The following CEP89 variants were observed in gnomAD, a reference collection of about 807,000 sequenced individuals.
CEP89 encodes the protein centrosomal protein of 89 kDa.
In CEP89, 95 loss-of-function variants were observed where a neutral mutation model predicts 97.6. That is an observed-to-expected ratio of 0.97 (90% CI 0.82 to 1.15). The LOEUF is 1.15. Among genes scored for constraint, CEP89 ranks in the 50% most tolerant of loss-of-function variants. CEP89 has a pLI of 0.00. For synonymous variants in CEP89, 354 were observed against 349.1 expected (o/e 1.01, Z -0.16); for missense variants, 869 against 947.7 (o/e 0.92, Z 1.09).
chr19:32,971,785 T>C, intron 1 of CEP89, 51 bp downstream of exon 1: 1 of 1,486,018 alleles, frequency 6.7e-7, no homozygotes, highest in Admixed American at 1.9e-5. Flanking sequence ...ACTTTACCCC[T>C]AATTCCCGGC....
chr19:32,910,265 CAGAG>C lies in CEP89; in HGVS notation c.1565+5068_1565+5071del, dbSNP rs71336978. On this transcript the variant is annotated intron_variant, in intron 14 of 18. Coordinates refer to ENST00000305768, the MANE Select transcript of CEP89 (RefSeq NM_032816.5). ...TGGGTGACAGAGCGAGACTCTGCCT[CAGAG>C]AGAGAGAGAGAGAGAGAGAGCGAGA... Among the ~76,000 whole-genome samples, 88 of 140,648 alleles carry C rather than the reference CAGAG, an allele frequency of 6.3e-4. 1 individual carries two copies. Among genetic ancestry groups the C allele is most frequent in the East Asian group, 4.7e-3 (22 of 4,684 alleles). The allele number at this position is 140,648 out of a possible 152,430, so 92.3% of individuals were successfully genotyped here.
intron 2 of CEP89, among the ~76,000 whole-genome samples, chr19:32,965,587 C>A (rs1204859545): frequency 6.7e-6 from 1 of 148,260 alleles, no homozygotes; most frequent in East Asian, 2.0e-4. Flanking sequence ...TCCCAGCTAC[C>A]CGGCGGGCTG....
intron 8 of CEP89, 121 bp downstream of exon 8, chr19:32,933,330 A>T: frequency 2.5e-6 from 2 of 801,076 alleles, no homozygotes; most frequent in Middle Eastern, 2.4e-4. Context: ...TTAACAAAAA[A>T]ACCTGAAATA....
rs182617340 is a variant in CEP89, at chr19:32,954,564, G to T, written c.306-763C>A. On this transcript the variant is annotated intron_variant, in intron 3 of 18. Transcript: ENST00000305768. ...GACGGGGTTTCACCATGTTGTCCAGGCTGGTCTTGAACTCCTTGGCTCAAG... is the reference window on the plus strand; with the variant it reads ...GACGGGGTTTCACCATGTTGTCCAGTCTGGTCTTGAACTCCTTGGCTCAAG... Among the ~76,000 whole-genome samples the T allele has an allele frequency of 2.7e-3, 405 of 151,338 alleles. 5 individuals are homozygous for T. The highest frequency in any genetic ancestry group is 1.0e-3 in the Non-Finnish European group (69 of 67,772).
intron 16 of CEP89, among the ~76,000 whole-genome samples, chr19:32,897,031 T>A (rs1191752512): frequency 6.6e-6 from 1 of 152,128 alleles, no homozygotes; most frequent in Non-Finnish European, 1.5e-5. Context: ...CAGAGGCTGA[T>A]GTCAACCTAA....
chr19:32,949,348 C>T (rs534858356), intron 4 of CEP89, among the ~76,000 whole-genome samples: 127 of 152,062 alleles, frequency 8.4e-4, no homozygotes, highest in African/African-American at 2.9e-3. Context: ...GGGACAGAGG[C>T]TGCCTAAGAG....
At chr19:32,946,686 T>C (rs1970804721) in intron 5 of CEP89, among the ~76,000 whole-genome samples, 1 of 152,104 alleles carries the variant, frequency 6.6e-6, no homozygotes, top group Admixed American at 6.6e-5. Flanking sequence ...ACTGTTCTCG[T>C]GGTAGTGAAT....
intron 12 of CEP89, among the ~76,000 whole-genome samples, chr19:32,920,300 G>A (rs777369225): frequency 2.6e-5 from 4 of 151,394 alleles, no homozygotes; most frequent in East Asian, 2.0e-4. Context: ...CTGCAGCCCC[G>A]AACTCTTGGC....
chr19:32,920,927 C>T (rs374200783), intron 12 of CEP89, among the ~76,000 whole-genome samples: 39 of 151,688 alleles, frequency 2.6e-4, no homozygotes, highest in Admixed American at 3.9e-4. Context: ...AAGCAGAAAG[C>T]GTCTGCTGGG....
At chr19:32,919,121 G>A (rs1026339117) in intron 12 of CEP89, among the ~76,000 whole-genome samples, 5 of 151,956 alleles carry the variant, frequency 3.3e-5, no homozygotes, top group African/African-American at 9.7e-5. Context: ...TCCTGACCCC[G>A]TGATCTGCCC....
intron 16 of CEP89, among the ~76,000 whole-genome samples, chr19:32,888,936 G>A (rs1309235315): frequency 6.6e-6 from 1 of 151,688 alleles, no homozygotes; most frequent in African/African-American, 2.4e-5. Context: ...CAACCTCCTG[G>A]GTAGCTAGGA....
At chr19:32,929,602 A>T (rs1163526132) in intron 9 of CEP89, among the ~76,000 whole-genome samples, 2 of 93,148 alleles carry the variant, frequency 2.1e-5, no homozygotes, top group African/African-American at 8.4e-5. Flanking sequence ...GACTGTGTCT[A>T]AAAAAAAAAA....
chr19:32,907,220 G>A (rs1478262248), intron 14 of CEP89, among the ~76,000 whole-genome samples: 5 of 152,068 alleles, frequency 3.3e-5, no homozygotes, highest in South Asian at 4.1e-4. Flanking sequence ...AATTAGCCCC[G>A]CACGATGGCG....
chr19:32,969,151 T>TA, intron 1 of CEP89: 2 of 152,206 alleles, frequency 1.3e-5, no homozygotes, highest in African/African-American at 4.8e-5. Flanking sequence ...GCGGAGAAGG[T>TA]ACTCCTCTCT....
chr19:32,933,349 T>C, intron 8 of CEP89, 102 bp downstream of exon 8: 2 of 924,018 alleles, frequency 2.2e-6, no homozygotes. Flanking sequence ...TATTACAACA[T>C]AAATTACCAA....
intron 2 of CEP89, among the ~76,000 whole-genome samples, chr19:32,962,064 A>G (rs188721333): frequency 0.013 from 1,951 of 151,004 alleles, 24 homozygotes; most frequent in Admixed American, 0.028. Context: ...AAAAAAAAAA[A>G]TCATGGATCT....
At chr19:32,962,345 C>T (rs901515561) in intron 2 of CEP89, among the ~76,000 whole-genome samples, 2 of 152,172 alleles carry the variant, frequency 1.3e-5, no homozygotes, top group Non-Finnish European at 2.9e-5. Context: ...CTGAGGATTC[C>T]CCAGCCATGC....
chr19:32,937,751 TAGAC>T (rs1294942372), intron 6 of CEP89, 78 bp from the exon 7 acceptor site: 8 of 966,600 alleles, frequency 8.3e-6, no homozygotes, highest in Non-Finnish European at 1.3e-5. Flanking sequence ...GCTAGGTCAT[TAGAC>T]AGCAGGTATA....
intron 16 of CEP89, among the ~76,000 whole-genome samples, chr19:32,892,018 G>C (rs1201691084): frequency 6.6e-6 from 1 of 150,726 alleles, no homozygotes; most frequent in Non-Finnish European, 1.5e-5. Flanking sequence ...GATATAGGAA[G>C]CTCAGGTTCC....
Sources: allele counts gnomAD v4.1 joint callset (sites outside exome capture counted in the v4.1 genomes callset), GRCh38; gene constraint gnomAD v4.1.1; transcripts MANE v1.5; gene names NCBI Gene and HGNC (gene_info 2026-07-23, HGNC 2026-07-21).